Variants in ZNF704 observed in about 807,000 individuals in gnomAD.
ZNF704 encodes glucocorticoid induced gene 1.
Under a neutral mutation model 44.7 loss-of-function variants are expected in ZNF704, and 10 were observed. The ratio of observed to expected loss-of-function variants is 0.22; its 90% confidence interval spans 0.14 to 0.38. The LOEUF (loss-of-function observed/expected upper bound fraction) is 0.38. Among genes scored for constraint, ZNF704 ranks in the 10% least tolerant of loss-of-function variants. The probability of loss-of-function intolerance (pLI) is 1.00; values close to 1 mark genes in which losing one functional copy is unlikely to be tolerated. For missense variants in ZNF704, 390 were observed against 545.5 expected, an observed-to-expected ratio of 0.71 and a Z score of 2.84; for synonymous variants, 211 against 207.6, an observed-to-expected ratio of 1.02 and a Z score of -0.14.
chr8:80,871,515 TC>T (rs1030914049), intron 1 of ZNF704, among the ~76,000 whole-genome samples: 2 of 152,230 alleles, frequency 1.3e-5, no homozygotes, highest in African/African-American at 4.8e-5. Context: ...ATGATTTTCT[TC>T]ACAGGACACA....
At chr8:80,835,474 G>C (rs1276031018) in intron 1 of ZNF704, among the ~76,000 whole-genome samples, 2 of 152,186 alleles carry the variant, frequency 1.3e-5, no homozygotes, top group African/African-American at 4.8e-5. Flanking sequence ...AGGCTGGAGG[G>C]GAGAGAAGGA....
intron 7 of ZNF704, among the ~76,000 whole-genome samples, chr8:80,649,703 G>GGCCT (rs1218357336): frequency 1.3e-5 from 2 of 152,226 alleles, no homozygotes; most frequent in Admixed American, 6.5e-5. Flanking sequence ...AGCTCAAGGA[G>GGCCT]GCCTGCCTGC....
chr8:80,831,044 G>A (rs1808464665), intron 1 of ZNF704, among the ~76,000 whole-genome samples: 1 of 152,014 alleles, frequency 6.6e-6, no homozygotes, highest in East Asian at 1.9e-4. Flanking sequence ...GTGAGCCACT[G>A]CACCCGGCCT....
At chr8:80,850,727 T>C (rs2129998270) in intron 1 of ZNF704, among the ~76,000 whole-genome samples, 1 of 152,314 alleles carries the variant, frequency 6.6e-6, no homozygotes. Flanking sequence ...CCTTTCCCTT[T>C]TTATGTTCCC....
intron 1 of ZNF704, among the ~76,000 whole-genome samples, chr8:80,845,566 C>G (rs183324744): frequency 6.6e-6 from 1 of 152,094 alleles, no homozygotes; most frequent in African/African-American, 2.4e-5. Context: ...TCAGCAATGA[C>G]GAAGAAATTA....
rs180938485 is a variant in ZNF704 at position 80,726,329 on chromosome 8, T to C, written c.222-33222A>G. On this transcript the variant is annotated intron_variant, in intron 2 of 8. Transcript: ENST00000327835. The stretch of plus-strand genomic sequence containing the variant: ...CAAGAATTTACGACATATTTAGAAA[T>C]TCCTTTTTTAAAAAATTTAAGCAAT... Among the ~76,000 whole-genome samples the C allele has an allele frequency of 3.0e-3, 460 of 152,276 alleles. 2 individuals carry two copies. The highest frequency in any genetic ancestry group is 0.01 in the African/African-American group (420 of 41,564).
At chr8:80,858,830 T>C (rs1002816414) in intron 1 of ZNF704, among the ~76,000 whole-genome samples, 7 of 152,244 alleles carry the variant, frequency 4.6e-5, no homozygotes, top group South Asian at 2.1e-4. Context: ...CTCTACATGA[T>C]ATGATTTCAA....
At chr8:80,652,265 A>T (rs573446251) in intron 7 of ZNF704, among the ~76,000 whole-genome samples, 52 of 152,232 alleles carry the variant, frequency 3.4e-4, no homozygotes, top group African/African-American at 1.3e-3. Flanking sequence ...GAACTAGAGA[A>T]GCAAGAGCAA....
rs1585908257 is a variant in ZNF704, at chr8:80,632,235, A to C, written c.*9131T>G. ...AGGTGCAGCAGTGAAATCTTGGCTC[A>C]CTGCAACCTCTGCCTGCAGTTTCAA... is the stretch of plus-strand genomic sequence containing the variant. On this transcript the variant is annotated 3_prime_UTR_variant, in exon 9 of 9. Coordinates refer to ENST00000327835, the MANE Select transcript of ZNF704 (RefSeq NM_001033723.3). 6.6e-6 allele frequency: 1 copy of C among 152,222 alleles called. No homozygotes were observed. Among genetic ancestry groups the C allele is most frequent in the African/African-American group, 2.4e-5 (1 of 41,458 alleles). 9.4% of individuals were successfully genotyped at this position (152,222 alleles called of 1,614,324 possible).
At chr8:80,857,674 A>G (rs563057459) in intron 1 of ZNF704, among the ~76,000 whole-genome samples, 1 of 152,294 alleles carries the variant, frequency 6.6e-6, no homozygotes, top group East Asian at 1.9e-4. Flanking sequence ...GAAAGTTTGC[A>G]ATGTTATTTG....
At chr8:80,868,662 C>T (rs1458720177) in intron 1 of ZNF704, among the ~76,000 whole-genome samples, 1 of 152,236 alleles carries the variant, frequency 6.6e-6, no homozygotes, top group Non-Finnish European at 1.5e-5. Flanking sequence ...AAGTTCCTGT[C>T]TCACAAATAC....
upstream of ZNF704, among the ~76,000 whole-genome samples, chr8:80,877,543 C>G (rs1444768399): frequency 6.6e-6 from 1 of 152,212 alleles, no homozygotes; most frequent in African/African-American, 2.4e-5. Context: ...CCCCACATTC[C>G]CTAAGTGTAA....
intron 2 of ZNF704, among the ~76,000 whole-genome samples, chr8:80,704,897 C>A (rs1333946286): frequency 6.6e-6 from 1 of 152,176 alleles, no homozygotes; most frequent in African/African-American, 2.4e-5. Flanking sequence ...TTAATCAAAC[C>A]TGAGGAGGGT....
At chr8:80,823,432 C>A (rs532599448) in intron 1 of ZNF704, among the ~76,000 whole-genome samples, 1 of 152,348 alleles carries the variant, frequency 6.6e-6, no homozygotes, top group East Asian at 1.9e-4. Flanking sequence ...GAAGCTCGAA[C>A]CTGGTGGAGC....
intron 2 of ZNF704, among the ~76,000 whole-genome samples, chr8:80,735,936 A>T (rs1444146743): frequency 1.3e-5 from 2 of 152,236 alleles, no homozygotes; most frequent in African/African-American, 4.8e-5. Flanking sequence ...GAAAGAAAAT[A>T]TAAACAGGAA....
At chr8:80,655,803 T>C (rs1194839488) in intron 7 of ZNF704, among the ~76,000 whole-genome samples, 2 of 152,152 alleles carry the variant, frequency 1.3e-5, no homozygotes, top group African/African-American at 4.8e-5. Context: ...TAATTCTGAA[T>C]CTTCCCTCAA....
At chr8:80,741,088 C>T (rs560324728) in intron 2 of ZNF704, among the ~76,000 whole-genome samples, 1 of 152,330 alleles carries the variant, frequency 6.6e-6, no homozygotes, top group South Asian at 2.1e-4. Context: ...ACTGGCTTAT[C>T]CTCATCCCAA....
the ZNF704 span, among the ~76,000 whole-genome samples, chr8:80,879,958 G>T: frequency 6.6e-6 from 1 of 152,182 alleles, no homozygotes; most frequent in Non-Finnish European, 1.5e-5. Context: ...TTATCAGCTT[G>T]GGTAATCCAA....
chr8:80,835,256 C>A (rs1808539627), intron 1 of ZNF704, among the ~76,000 whole-genome samples: 1 of 152,154 alleles, frequency 6.6e-6, no homozygotes, highest in South Asian at 2.1e-4. Context: ...TTAACCTCAG[C>A]TAAATTCACT....
Sources: gnomAD v4.1 joint callset for allele counts (sites outside exome capture counted in the v4.1 genomes callset) on GRCh38, gnomAD v4.1.1 for gene constraint, MANE v1.5 for transcripts, NCBI Gene and HGNC (gene_info 2026-07-23, HGNC 2026-07-21) for gene names.